SAMM50: variants seen among roughly 807,000 people sequenced by gnomAD.
The protein encoded by SAMM50 is sorting and assembly machinery component 50 homolog.
In SAMM50, 47 loss-of-function variants were observed where a neutral mutation model predicts 66.9. That is an observed-to-expected ratio of 0.70 (90% confidence interval 0.56 to 0.90). The LOEUF is 0.90. Ranked by LOEUF, SAMM50 falls within the 40% of genes least tolerant of loss-of-function variation. The pLI is 0.00. For missense variants in SAMM50, 535 were observed against 595.3 expected (o/e 0.90, Z 1.05); for synonymous variants, 191 against 214.1 (o/e 0.89, Z 0.94).
Position 43,973,516 on chromosome 22 carries a change from T to C in SAMM50, c.648+193T>C, listed in dbSNP as rs537659442. ...GGGACCCGAGAGTGGCTGATGCCCA[T>C]GTTAGCAGCTCCTTAACCTGGTCCT... On this transcript the variant is annotated intron_variant, in intron 7 of 14. Transcript: ENST00000350028. 4.6e-5 allele frequency among the ~76,000 whole-genome samples: 7 copies of C among 152,324 alleles called. No homozygotes were observed. The East Asian group carries it at 9.6e-4, about 21-fold the overall frequency.
At chr22:43,992,537 A>G (rs3788604) in intron 14 of SAMM50, among the ~76,000 whole-genome samples, 72,426 of 152,176 alleles carry the variant, frequency 0.48, 18,005 homozygotes, top group African/African-American at 0.62. Flanking sequence ...CGCAGGCTGC[A>G]TGCATGTGTG....
chr22:43,982,350 G>A (rs189144908), intron 11 of SAMM50, among the ~76,000 whole-genome samples: 3 of 152,296 alleles, frequency 2.0e-5, no homozygotes, highest in Admixed American at 1.3e-4. Context: ...TCCGCAGTAG[G>A]GAAATGGTGA....
rs1227018135 is a variant in SAMM50, at chr22:43,977,903, G to A, written c.881G>A (p.Ser294Asn). The A allele has an allele frequency of 6.2e-7, 1 of 1,612,840 alleles. No individual in the cohort carries two copies. The highest frequency in any genetic ancestry group is 1.1e-5 in the South Asian group (1 of 90,790). ...ELAGYTGGDVSFIKEDFELQL... is the reference protein window; with the variant it reads ...ELAGYTGGDVNFIKEDFELQL... ...GCAGGCTACACTGGCGGGGATGTGA[G>A]CTTCATCAAAGAAGATTTTGAACTT... is the stretch of plus-strand genomic sequence containing the variant. Residue 294 changes from serine (S) to asparagine (N), a missense_variant, in exon 10 of 15, where the codon AGC (serine) becomes AAC (asparagine). By Grantham distance (46) the Ser-to-Asn change is conservative (BLOSUM62 1). Transcript: ENST00000350028.
chr22:43,987,352 T>C (rs1479153816), intron 12 of SAMM50: 1 of 152,202 alleles, frequency 6.6e-6, no homozygotes, highest in Non-Finnish European at 1.5e-5. Flanking sequence ...AAGAACAAGT[T>C]ACAGCCACTG....
At chr22:43,995,112 C>T (rs905898374) in intron 14 of SAMM50, among the ~76,000 whole-genome samples, 2 of 152,146 alleles carry the variant, frequency 1.3e-5, no homozygotes, top group African/African-American at 4.8e-5. Flanking sequence ...GTTTTAAGGC[C>T]ATGGATGTGG....
intron 9 of SAMM50, among the ~76,000 whole-genome samples, 174 bp downstream of exon 9, chr22:43,976,995 A>T (rs2050236160): frequency 6.6e-6 from 1 of 152,190 alleles, no homozygotes; most frequent in Admixed American, 6.5e-5. Context: ...CCAGCCCGGA[A>T]ATTGCTCCCT....
chr22:43,983,136 T>C lies in SAMM50; in HGVS notation c.1008-797T>C, dbSNP rs2050273364. On this transcript the variant is annotated intron_variant, in intron 11 of 14. Transcript: ENST00000350028. The surrounding 1 kb of genome is among the most constrained non-coding windows in gnomAD (Gnocchi z 4.2). The stretch of plus-strand genomic sequence containing the variant: ...AAGCCGCGCCCTGTTCCCTTTGTGC[T>C]GTTGCAGACCTGCAGGGTGTTCTTA... 6.6e-6 allele frequency among the ~76,000 whole-genome samples: 1 copy of C among 152,240 alleles called. No homozygotes were observed. Among genetic ancestry groups the C allele is most frequent in the Non-Finnish European group, 1.5e-5 (1 of 68,040 alleles).
chr22:43,977,929 C>A lies in SAMM50; in HGVS notation c.907C>A (p.Gln303Lys). Residue 303 changes from glutamine (Q) to lysine (K), a missense_variant, in exon 10 of 15, where the codon CAG becomes AAG. Gln to Lys is a moderately conservative substitution (Grantham distance 53). Transcript: ENST00000350028. Reference sequence around the variant, plus strand: ...CTTCATCAAAGAAGATTTTGAACTTCAGTTGAACAAGCAACTCATATTTGA... The same window carrying A: ...CTTCATCAAAGAAGATTTTGAACTTAAGTTGAACAAGCAACTCATATTTGA... The part of the protein sequence containing the change: ...VSFIKEDFEL[Q>K]LNKQLIFDSV... 9.9e-6 allele frequency: 16 copies of A among 1,613,284 alleles called. No individual in the cohort carries two copies. Among genetic ancestry groups the A allele is most frequent in the Non-Finnish European group, 1.4e-5 (16 of 1,179,548 alleles).
At chr22:43,961,980 TTATG>T (rs1363652906) in intron 1 of SAMM50, among the ~76,000 whole-genome samples, 3 of 152,114 alleles carry the variant, frequency 2.0e-5, no homozygotes, top group Non-Finnish European at 4.4e-5. Flanking sequence ...GCTCAAGTGA[TTATG>T]TGTGTGTGTG....
At chr22:43,982,299 G>A (rs2050268869) in intron 11 of SAMM50, among the ~76,000 whole-genome samples, 4 of 152,180 alleles carry the variant, frequency 2.6e-5, no homozygotes, top group Admixed American at 2.0e-4. Flanking sequence ...TTGTAGCATT[G>A]CTGATGAATA....
Position 43,973,004 on chromosome 22 carries a change from A to G in SAMM50, c.560+3A>G, listed in dbSNP as rs2050211879. 1 of 1,588,130 alleles carries G rather than the reference A, an allele frequency of 6.3e-7. No individual in the cohort carries two copies. ...CGGCCCGGAAACTTCGAAAGAAAGT[A>G]GGAAGCCCAACAGATCATTGAGTAC... is the stretch of plus-strand genomic sequence containing the variant. On this transcript the variant is annotated splice_donor_region_variant and intron_variant, in intron 6 of 14. Transcript: ENST00000350028.
At chr22:43,973,095 G>C in intron 6 of SAMM50, 94 bp downstream of exon 6, 1 of 1,481,374 alleles carries the variant, frequency 6.8e-7, no homozygotes, top group East Asian at 2.3e-5. Context: ...AGAATCAGCT[G>C]CCACTTCTGC....
intron 4 of SAMM50, among the ~76,000 whole-genome samples, chr22:43,969,880 C>T (rs1056051060): frequency 2.0e-5 from 3 of 152,088 alleles, no homozygotes; most frequent in South Asian, 2.1e-4. Flanking sequence ...CCTAACATGG[C>T]GCGGTAGAGT....
intron 12 of SAMM50, 137 bp downstream of exon 12, chr22:43,984,137 T>C: frequency 1.5e-6 from 1 of 656,250 alleles, no homozygotes; most frequent in South Asian, 2.4e-5. Context: ...ACACAGAACT[T>C]ACCATGTAGC....
chr22:43,964,580 T>C (rs1482362222), intron 3 of SAMM50, 27 bp downstream of exon 3: 1 of 1,216,488 alleles, frequency 8.2e-7, no homozygotes, highest in Non-Finnish European at 1.2e-6. Flanking sequence ...CATGGTGTGC[T>C]TTCCCAGTCT....
chr22:43,966,434 T>G (rs1375717344), intron 3 of SAMM50, among the ~76,000 whole-genome samples: 1 of 152,102 alleles, frequency 6.6e-6, no homozygotes, highest in Non-Finnish European at 1.5e-5. Flanking sequence ...CTTGGCTCAC[T>G]GCAACCTCCG....
chr22:43,985,766 C>A (rs1245786313), intron 12 of SAMM50, among the ~76,000 whole-genome samples: 8 of 151,966 alleles, frequency 5.3e-5, no homozygotes, highest in Non-Finnish European at 1.2e-4. Flanking sequence ...GAGCACGCCT[C>A]CCCTTTGTAA....
chr22:43,972,759 C>A, intron 5 of SAMM50, 112 bp from the exon 6 acceptor site: 5 of 971,146 alleles, frequency 5.1e-6, no homozygotes, highest in Non-Finnish European at 7.8e-6. Flanking sequence ...CTGTAGTTAG[C>A]ATCTTCCTTC....
chr22:43,980,767 G>A (rs867364422), intron 10 of SAMM50, among the ~76,000 whole-genome samples: 1 of 152,216 alleles, frequency 6.6e-6, no homozygotes, highest in Non-Finnish European at 1.5e-5. Flanking sequence ...GGCTCGGCCA[G>A]CCGCCCGAAA....
Sources: gnomAD v4.1 joint callset for allele counts (sites outside exome capture counted in the v4.1 genomes callset) on GRCh38, gnomAD v4.1.1 for gene constraint, Gnocchi (gnomAD v3.1) non-coding constraint, MANE v1.5 for transcripts, NCBI Gene and HGNC (gene_info 2026-07-23, HGNC 2026-07-21) for gene names.